ACOXL: variants seen among roughly 807,000 people sequenced by gnomAD.
ACOXL encodes the protein acyl-CoA oxidase like.
Under a neutral mutation model 71.9 loss-of-function variants are expected in ACOXL, and 70 were observed. The ratio of observed to expected loss-of-function variants is 0.97; its 90% confidence interval spans 0.80 to 1.19. ACOXL has a LOEUF of 1.19. Among genes scored for constraint, ACOXL ranks in the 50% most tolerant of loss-of-function variants. The probability of loss-of-function intolerance (pLI) is 0.00; values close to 1 mark genes in which losing one functional copy is unlikely to be tolerated. For missense variants in ACOXL, 703 were observed against 736.3 expected (o/e 0.95, Z 0.52); for synonymous variants, 253 against 281.6 (o/e 0.90, Z 1.02).
chr2:110,849,555 C>T (rs939494498), intron 10 of ACOXL, among the ~76,000 whole-genome samples: 7 of 152,136 alleles, frequency 4.6e-5, no homozygotes, highest in African/African-American at 1.2e-4. Context: ...GTCGGGAGTT[C>T]GAGACCAGCC....
intron 16 of ACOXL, among the ~76,000 whole-genome samples, chr2:111,071,199 A>G (rs1325091594): frequency 6.6e-6 from 1 of 152,174 alleles, no homozygotes; most frequent in African/African-American, 2.4e-5. Flanking sequence ...TGGAAGGAAA[A>G]GAGACTCTGA....
intron 1 of ACOXL, among the ~76,000 whole-genome samples, chr2:110,737,006 A>G (rs1357348709): frequency 2.0e-5 from 3 of 152,088 alleles, no homozygotes; most frequent in African/African-American, 7.2e-5. Flanking sequence ...TGGTTGTGTT[A>G]GTGTGGTTTT....
chr2:110,791,514 C>T (rs1487625141), intron 3 of ACOXL, among the ~76,000 whole-genome samples: 2 of 152,190 alleles, frequency 1.3e-5, no homozygotes, highest in East Asian at 1.9e-4. Flanking sequence ...GGAAAAAACA[C>T]GTACCATTTG....
intron 17 of ACOXL, among the ~76,000 whole-genome samples, chr2:111,108,610 A>G (rs1252544080): frequency 1.3e-5 from 2 of 152,122 alleles, no homozygotes; most frequent in African/African-American, 2.4e-5. Flanking sequence ...TCCCGACCTC[A>G]GGTGATACCG....
chr2:110,983,015 T>G, intron 12 of ACOXL, among the ~76,000 whole-genome samples: 1 of 152,244 alleles, frequency 6.6e-6, no homozygotes, highest in East Asian at 1.9e-4. Flanking sequence ...GAGCATGATA[T>G]GGGGCCCAGT....
At chr2:110,783,459 A>T (rs545650472) in intron 2 of ACOXL, among the ~76,000 whole-genome samples, 1 of 152,194 alleles carries the variant, frequency 6.6e-6, no homozygotes, top group Non-Finnish European at 1.5e-5. Context: ...TGTTTGTTCA[A>T]ATTAATAATG....
intron 10 of ACOXL, among the ~76,000 whole-genome samples, chr2:110,870,015 G>A (rs566144413): frequency 1.0e-4 from 16 of 152,392 alleles, no homozygotes; most frequent in East Asian, 5.8e-4. Flanking sequence ...TTTAGAAAAC[G>A]TGGGTGATTC....
intron 12 of ACOXL, among the ~76,000 whole-genome samples, chr2:110,938,197 G>A (rs1216656779): frequency 6.6e-6 from 1 of 152,234 alleles, no homozygotes; most frequent in African/African-American, 2.4e-5. Flanking sequence ...TGCTAGGCAG[G>A]GGAACCTGAA....
chr2:110,910,813 T>C (rs114848613), intron 11 of ACOXL, among the ~76,000 whole-genome samples: 2,040 of 152,344 alleles, frequency 0.013, 28 homozygotes, highest in Non-Finnish European at 0.023. Context: ...CTTATTGTTA[T>C]TGACTTATAA....
intron 10 of ACOXL, among the ~76,000 whole-genome samples, chr2:110,899,863 A>T (rs910481145): frequency 3.3e-5 from 5 of 152,076 alleles, no homozygotes; most frequent in Non-Finnish European, 4.4e-5. Context: ...TGTCTGAAAA[A>T]CATTCAGGCT....
intron 1 of ACOXL, among the ~76,000 whole-genome samples, chr2:110,756,212 C>T (rs1371201768): frequency 2.0e-5 from 3 of 152,068 alleles, no homozygotes; most frequent in Non-Finnish European, 4.4e-5. Flanking sequence ...CTGCAACCTC[C>T]GCCTCCCGGG....
At chr2:110,777,764 C>T (rs1459409798) in intron 2 of ACOXL, among the ~76,000 whole-genome samples, 1 of 152,186 alleles carries the variant, frequency 6.6e-6, no homozygotes, top group East Asian at 1.9e-4. Flanking sequence ...ACGGAGGCTG[C>T]ACAGAGCCCA....
At chr2:110,992,481 A>G (rs2063215588) in intron 13 of ACOXL, among the ~76,000 whole-genome samples, 1 of 152,040 alleles carries the variant, frequency 6.6e-6, no homozygotes. Flanking sequence ...TGAGAAAGGT[A>G]CTCTTGAGCA....
intron 14 of ACOXL, among the ~76,000 whole-genome samples, chr2:111,010,427 T>C (rs944064089): frequency 6.6e-6 from 1 of 152,000 alleles, no homozygotes; most frequent in South Asian, 2.1e-4. Context: ...AAGAAAAATA[T>C]TGATAAAATA....
chr2:110,840,533 GA>G (rs1691033534), intron 9 of ACOXL, among the ~76,000 whole-genome samples: 2 of 152,160 alleles, frequency 1.3e-5, no homozygotes, highest in Admixed American at 1.3e-4. Context: ...TTACAGTTGG[GA>G]AAATTAAGGC....
rs748238722 is a variant in ACOXL, at chr2:110,805,321, A to G, written c.679A>G (p.Arg227Gly). ...YHSPIRNKSARFNAMLAALTP... is the reference protein window; with the variant it reads ...YHSPIRNKSAGFNAMLAALTP... Reference sequence around the variant, plus strand: ...TTCGCCTATTAGGAACAAGAGTGCAAGATTCAATGCCATGCTGGCAGCACT... The same window carrying G: ...TTCGCCTATTAGGAACAAGAGTGCAGGATTCAATGCCATGCTGGCAGCACT... Residue 227 changes from arginine (R) to glycine (G), a missense_variant, in exon 9 of 18, where the codon AGA (arginine) becomes GGA (glycine). Physicochemically the swap from Arg to Gly is moderately radical, Grantham distance 125. Transcript: ENST00000439055. 1 of 1,614,224 alleles carries G rather than the reference A, an allele frequency of 6.2e-7. No homozygotes were observed. Among genetic ancestry groups the G allele is most frequent in the Admixed American group, 1.7e-5 (1 of 60,036 alleles).
At chr2:110,770,564 G>A (rs1234551198) in intron 2 of ACOXL, among the ~76,000 whole-genome samples, 3 of 152,184 alleles carry the variant, frequency 2.0e-5, no homozygotes, top group Non-Finnish European at 2.9e-5. Flanking sequence ...GCGTGCTTGC[G>A]AAGCGTAAAA....
At chr2:110,948,200 G>A (rs928841570) in intron 12 of ACOXL, among the ~76,000 whole-genome samples, 9 of 152,226 alleles carry the variant, frequency 5.9e-5, no homozygotes, top group Non-Finnish European at 1.3e-4. Flanking sequence ...AAGGTTATCA[G>A]CAAACATGCA....
intron 11 of ACOXL, among the ~76,000 whole-genome samples, chr2:110,931,583 A>C (rs895742138): frequency 2.0e-5 from 3 of 152,182 alleles, no homozygotes; most frequent in Non-Finnish European, 2.9e-5. Context: ...CCCTGGGTTT[A>C]AATGCTAGCT....
Sources: gnomAD v4.1 joint callset for allele counts (sites outside exome capture counted in the v4.1 genomes callset) on GRCh38, gnomAD v4.1.1 for gene constraint, MANE v1.5 for transcripts, NCBI Gene and HGNC (gene_info 2026-07-23, HGNC 2026-07-21) for gene names.